The following CSMD3 variants were observed in gnomAD, a reference collection of about 807,000 sequenced individuals.
CSMD3 encodes CUB and Sushi multiple domains 3.
CSMD3 carries 177 observed loss-of-function variants against 435.2 expected under a neutral mutation model. The observed-to-expected ratio is 0.41, with a 90% CI of 0.36 to 0.46. The LOEUF (loss-of-function observed/expected upper bound fraction) is 0.46. CSMD3 is among the 20% of genes least tolerant of loss of function. CSMD3 has a pLI of 0.34. For missense variants in CSMD3, 4,265 were observed against 4,504.6 expected, an observed-to-expected ratio of 0.95 and a Z score of 1.52; for synonymous variants, 1,656 against 1,520.5, an observed-to-expected ratio of 1.09 and a Z score of -2.07.
At chr8:112,255,573 T>C in intron 61 of CSMD3, 146 bp from the exon 62 acceptor site, 1 of 722,666 alleles carries the variant, frequency 1.4e-6, no homozygotes, top group East Asian at 2.7e-5. Context: ...AAAATTTATT[T>C]TTTAGCTTAT....
chr8:113,291,146 ACT>A (rs908853581), intron 2 of CSMD3, among the ~76,000 whole-genome samples: 1 of 151,494 alleles, frequency 6.6e-6, no homozygotes, highest in African/African-American at 2.4e-5. Context: ...ATTTTAGTAA[ACT>A]CTAATAACTA....
intron 7 of CSMD3, among the ~76,000 whole-genome samples, chr8:112,961,162 T>C (rs1023269582): frequency 5.9e-5 from 9 of 151,894 alleles, no homozygotes; most frequent in African/African-American, 2.2e-4. Flanking sequence ...TTTATAATAT[T>C]AAGGTCTAGT....
At chr8:113,346,080 T>C (rs1293564125) in intron 1 of CSMD3, among the ~76,000 whole-genome samples, 1 of 152,092 alleles carries the variant, frequency 6.6e-6, no homozygotes, top group Non-Finnish European at 1.5e-5. Flanking sequence ...TTATTCAAGG[T>C]ATTTTGTCAT....
chr8:112,948,305 T>C (rs7833953), intron 8 of CSMD3, among the ~76,000 whole-genome samples: 26,664 of 151,858 alleles, frequency 0.18, 3,831 homozygotes, highest in East Asian at 0.4. Flanking sequence ...AATACGACTT[T>C]ATGAAAAAAG....
At chr8:113,125,701 AAAGT>A (rs1394627660) in intron 4 of CSMD3, among the ~76,000 whole-genome samples, 9 of 151,928 alleles carry the variant, frequency 5.9e-5, no homozygotes, top group Non-Finnish European at 8.8e-5. Context: ...CTAAATAAAG[AAAGT>A]GTTTAAAGAC....
chr8:113,044,090 C>T (rs1441973851), intron 5 of CSMD3, among the ~76,000 whole-genome samples: 3 of 151,822 alleles, frequency 2.0e-5, no homozygotes, highest in Admixed American at 6.6e-5. Context: ...CTAAAACATA[C>T]GAAGATAACA....
chr8:112,934,427 A>G (rs1214829465), intron 9 of CSMD3, among the ~76,000 whole-genome samples: 3 of 152,188 alleles, frequency 2.0e-5, no homozygotes, highest in Non-Finnish European at 4.4e-5. Flanking sequence ...GGAAACACAG[A>G]TATCCATCAT....
chr8:112,956,759 C>T (rs989646185), intron 7 of CSMD3, among the ~76,000 whole-genome samples: 9 of 152,040 alleles, frequency 5.9e-5, no homozygotes, highest in Non-Finnish European at 7.4e-5. Context: ...TTACAAGTAT[C>T]TTGATTTAAT....
chr8:112,723,427 T>A (rs2076902849), intron 13 of CSMD3, among the ~76,000 whole-genome samples: 1 of 152,166 alleles, frequency 6.6e-6, no homozygotes, highest in Non-Finnish European at 1.5e-5. Context: ...ACATGTCACA[T>A]CTCACACTCT....
intron 5 of CSMD3, among the ~76,000 whole-genome samples, chr8:113,027,692 G>A (rs2086926424): frequency 6.6e-6 from 1 of 152,056 alleles, no homozygotes; most frequent in African/African-American, 2.4e-5. Flanking sequence ...ATTGGCTATA[G>A]TAAGCTTTAT....
At chr8:112,824,861 G>T (rs1483485282) in intron 12 of CSMD3, among the ~76,000 whole-genome samples, 2 of 152,122 alleles carry the variant, frequency 1.3e-5, no homozygotes, top group Non-Finnish European at 2.9e-5. Flanking sequence ...GCCTTGCTAG[G>T]TTGGGGAAGT....
chr8:112,504,351 T>C (rs1481799473), intron 29 of CSMD3, among the ~76,000 whole-genome samples: 1 of 152,100 alleles, frequency 6.6e-6, no homozygotes, highest in Admixed American at 6.6e-5. Flanking sequence ...TGCAAGTTAC[T>C]TTATGTGGAG....
chr8:112,886,812 C>A (rs1046021099), intron 10 of CSMD3, among the ~76,000 whole-genome samples: 1 of 151,560 alleles, frequency 6.6e-6, no homozygotes, highest in East Asian at 2.0e-4. Flanking sequence ...TACCTTAAAT[C>A]ATCTCTAGAA....
chr8:112,357,428 G>C (rs1024186546), intron 38 of CSMD3, among the ~76,000 whole-genome samples: 1 of 152,162 alleles, frequency 6.6e-6, no homozygotes, highest in African/African-American at 2.4e-5. Flanking sequence ...CTGACAATGT[G>C]ATAGAAAAGA....
intron 17 of CSMD3, among the ~76,000 whole-genome samples, chr8:112,661,828 A>T (rs1300866270): frequency 6.6e-6 from 1 of 152,076 alleles, no homozygotes; most frequent in Non-Finnish European, 1.5e-5. Context: ...AAAAAATAAT[A>T]ATAATAATAG....
chr8:113,175,594 C>T (rs933954930), intron 3 of CSMD3, among the ~76,000 whole-genome samples: 1 of 151,826 alleles, frequency 6.6e-6, no homozygotes, highest in African/African-American at 2.4e-5. Flanking sequence ...TTTTGAGCAA[C>T]TTTTAAAGAA....
intron 1 of CSMD3, among the ~76,000 whole-genome samples, chr8:113,330,414 C>T (rs905008617): frequency 2.0e-5 from 3 of 151,670 alleles, no homozygotes; most frequent in Non-Finnish European, 3.0e-5. Context: ...ATATATAAGG[C>T]GTACAGCAAA....
intron 2 of CSMD3, among the ~76,000 whole-genome samples, chr8:113,289,701 T>C (rs1031979783): frequency 6.6e-6 from 1 of 151,750 alleles, no homozygotes; most frequent in Non-Finnish European, 1.5e-5. Flanking sequence ...TATCAGAAAG[T>C]ATTGCACACA....
At chr8:112,770,310 G>T (rs2078080682) in intron 13 of CSMD3, among the ~76,000 whole-genome samples, 1 of 151,756 alleles carries the variant, frequency 6.6e-6, no homozygotes, top group Non-Finnish European at 1.5e-5. Flanking sequence ...TCATGAAGTG[G>T]GCTCTTTTTC....
Sources: allele counts gnomAD v4.1 joint callset (sites outside exome capture counted in the v4.1 genomes callset), GRCh38; gene constraint gnomAD v4.1.1; transcripts MANE v1.5; gene names NCBI Gene and HGNC (gene_info 2026-07-23, HGNC 2026-07-21).